CDH2: variants seen among roughly 807,000 people sequenced by gnomAD.
CDH2 encodes the protein cadherin-2.
Under a neutral mutation model 92.0 loss-of-function variants are expected in CDH2, and 17 were observed. The ratio of observed to expected loss-of-function variants is 0.18; its 90% confidence interval spans 0.13 to 0.28. The LOEUF (loss-of-function observed/expected upper bound fraction) is 0.28, where lower values mean the gene tolerates loss of function less well. Among genes scored for constraint, CDH2 ranks in the 10% least tolerant of loss-of-function variants. The pLI is 1.00. For synonymous variants in CDH2, 419 were observed against 415.9 expected (o/e 1.01, Z -0.09); for missense variants, 862 against 1,133.1 (o/e 0.76, Z 3.44).
chr18:27,984,208 AAAAG>A (rs1486421002), intron 13 of CDH2, among the ~76,000 whole-genome samples: 5 of 152,234 alleles, frequency 3.3e-5, no homozygotes, highest in Non-Finnish European at 5.9e-5. Flanking sequence ...GAGAAAACAT[AAAAG>A]AAATGGCCAA....
chr18:28,052,601 A>G (rs1210703132), intron 2 of CDH2, among the ~76,000 whole-genome samples: 1 of 152,218 alleles, frequency 6.6e-6, no homozygotes, highest in Non-Finnish European at 1.5e-5. Flanking sequence ...GGGTACGTGC[A>G]TCACAAGTAT....
At chr18:28,059,193 C>T (rs981092140) in intron 2 of CDH2, among the ~76,000 whole-genome samples, 2 of 152,152 alleles carry the variant, frequency 1.3e-5, no homozygotes, top group African/African-American at 4.8e-5. Context: ...ATGACAAAAA[C>T]CCAAGGAAAT....
chr18:28,118,422 T>C (rs2015531300), intron 2 of CDH2, among the ~76,000 whole-genome samples: 1 of 152,056 alleles, frequency 6.6e-6, no homozygotes, highest in South Asian at 2.1e-4. Context: ...TCAAAGAAAA[T>C]AATCAACCTA....
chr18:28,093,074 A>G (rs2015065642), intron 2 of CDH2, among the ~76,000 whole-genome samples: 1 of 152,190 alleles, frequency 6.6e-6, no homozygotes, highest in Non-Finnish European at 1.5e-5. Context: ...AGTCATCACG[A>G]TCTAGTAGGT....
chr18:28,022,318 C>T (rs2013433539), intron 2 of CDH2, among the ~76,000 whole-genome samples: 1 of 152,026 alleles, frequency 6.6e-6, no homozygotes, highest in African/African-American at 2.4e-5. Flanking sequence ...AAAGTCATTC[C>T]ATTTTCTTTA....
At chr18:27,935,341 CAGAG>C (rs1370399027) in intron 6 of CDH2, among the ~76,000 whole-genome samples, 1 of 152,040 alleles carries the variant, frequency 6.6e-6, no homozygotes, top group Non-Finnish European at 1.5e-5. Flanking sequence ...GAAGGAGAGA[CAGAG>C]AGAGAGTGAA....
chr18:28,007,997 T>TG (rs1373140831), intron 5 of CDH2, among the ~76,000 whole-genome samples: 14 of 152,154 alleles, frequency 9.2e-5, no homozygotes, highest in African/African-American at 3.4e-4. Context: ...GCCTCCCAAA[T>TG]TGCTAGGATT....
chr18:28,007,211 C>T (rs2012960509), intron 5 of CDH2, among the ~76,000 whole-genome samples: 1 of 141,834 alleles, frequency 7.1e-6, no homozygotes, highest in East Asian at 2.0e-4. Flanking sequence ...TATACGATAG[C>T]TGTTCCTCTC....
chr18:28,065,830 A>G (rs2014496014), intron 2 of CDH2, among the ~76,000 whole-genome samples: 1 of 152,202 alleles, frequency 6.6e-6, no homozygotes, highest in African/African-American at 2.4e-5. Flanking sequence ...GAGGTGATAC[A>G]GCACCCTTTA....
intron 2 of CDH2, among the ~76,000 whole-genome samples, chr18:28,049,254 C>T (rs1850996982): frequency 6.6e-6 from 1 of 152,148 alleles, no homozygotes; most frequent in African/African-American, 2.4e-5. Flanking sequence ...GAGTGCATTT[C>T]AAAAGCTTCC....
Position 27,952,208 on chromosome 18 carries a change from T to C in CDH2, c.2666A>G (p.Asp889Gly), listed in dbSNP as rs199657884. Residue 889 changes from aspartate (D) to glycine (G), a missense_variant, in exon 16 of 16, where the codon GAC (aspartate) becomes GGC (glycine). Asp to Gly is a moderately conservative substitution (Grantham distance 94). Transcript: ENST00000269141. Reference protein sequence around the residue: ...GGEQDYDYLNDWGPRFKKLAD... With the variant: ...GGEQDYDYLNGWGPRFKKLAD... ...AAGTTTCTTGAACCGTGGCCCCCAG[T>C]CGTTCAGGTAATCATAGTCCTGCTC... is the stretch of plus-strand genomic sequence containing the variant. 1.2e-6 allele frequency: 2 copies of C among 1,613,714 alleles called. No individual in the cohort carries two copies. Among genetic ancestry groups the C allele is most frequent in the Non-Finnish European group, 1.7e-6 (2 of 1,179,740 alleles).
chr18:28,066,165 A>G (rs893001188), intron 2 of CDH2, among the ~76,000 whole-genome samples: 1 of 152,216 alleles, frequency 6.6e-6, no homozygotes, highest in African/African-American at 2.4e-5. Flanking sequence ...CTGAAATTAC[A>G]ATGGACTGAA....
chr18:27,937,828 C>T (rs1389809611), intron 6 of CDH2, among the ~76,000 whole-genome samples: 1 of 152,140 alleles, frequency 6.6e-6, no homozygotes, highest in African/African-American at 2.4e-5. Context: ...TCCAGATAGT[C>T]AGAAAATCAT....
intron 7 of CDH2, among the ~76,000 whole-genome samples, chr18:28,000,013 C>A (rs1205627048): frequency 6.6e-6 from 1 of 152,106 alleles, no homozygotes; most frequent in Non-Finnish European, 1.5e-5. Context: ...TGATTGTAGG[C>A]TTCCTGAGGC....
At chr18:28,013,573 A>T (rs1599033524) in intron 3 of CDH2, 110 bp downstream of exon 3, 2 of 756,464 alleles carry the variant, frequency 2.6e-6, no homozygotes, top group Non-Finnish European at 4.6e-6. Context: ...GTTGATACAA[A>T]TGCAAATAGT....
At chr18:27,999,492 G>A (rs545685423) in intron 7 of CDH2, among the ~76,000 whole-genome samples, 16 of 152,128 alleles carry the variant, frequency 1.1e-4, no homozygotes, top group African/African-American at 3.6e-4. Context: ...TATTAGGTTT[G>A]GAAAACAGGA....
intron 1 of CDH2, among the ~76,000 whole-genome samples, chr18:28,151,344 C>T (rs576437355): frequency 6.6e-6 from 1 of 152,330 alleles, no homozygotes; most frequent in Admixed American, 6.5e-5. Flanking sequence ...CTAGTGGCTA[C>T]TGGCTCTCAG....
At chr18:28,004,619 A>G (rs1371586106) in intron 6 of CDH2, among the ~76,000 whole-genome samples, 2 of 152,344 alleles carry the variant, frequency 1.3e-5, no homozygotes, top group East Asian at 1.9e-4. Flanking sequence ...GAGAAAAAAA[A>G]GAAAATAATA....
intron 2 of CDH2, among the ~76,000 whole-genome samples, chr18:28,121,204 TA>T (rs2015582573): frequency 6.6e-6 from 1 of 152,120 alleles, no homozygotes; most frequent in African/African-American, 2.4e-5. Flanking sequence ...CTAAATAAAC[TA>T]AATTGTCCAA....
Sources: allele counts gnomAD v4.1 joint callset (sites outside exome capture counted in the v4.1 genomes callset), GRCh38; gene constraint gnomAD v4.1.1; transcripts MANE v1.5; gene names NCBI Gene and HGNC (gene_info 2026-07-23, HGNC 2026-07-21).